The following NAA11 variants were observed in gnomAD, a reference collection of about 807,000 sequenced individuals.
The protein encoded by NAA11 is N-alpha-acetyltransferase 11.
Under a neutral mutation model 16.1 loss-of-function variants are expected in NAA11, and 15 were observed. That is an observed-to-expected ratio of 0.93 (90% CI 0.62 to 1.44). The LOEUF (loss-of-function observed/expected upper bound fraction) is 1.44, where lower values mean the gene tolerates loss of function less well. NAA11 is among the 40% of genes most tolerant of loss of function. The pLI is 0.00. For missense variants in NAA11, 298 were observed against 291.3 expected, an observed-to-expected ratio of 1.02 and a Z score of -0.17; for synonymous variants, 122 against 112.4, an observed-to-expected ratio of 1.09 and a Z score of -0.54.
chr4:79,220,108 T>C, the NAA11 span, among the ~76,000 whole-genome samples: 1 of 152,228 alleles, frequency 6.6e-6, no homozygotes, highest in Non-Finnish European at 1.5e-5. Context: ...TGTGACTTTT[T>C]TTGAGACGGA....
At chr4:79,211,248 G>A in the NAA11 span, among the ~76,000 whole-genome samples, 2 of 152,096 alleles carry the variant, frequency 1.3e-5, no homozygotes, top group Non-Finnish European at 2.9e-5. Context: ...AGCTACATGA[G>A]CATGTTCTAA....
At chr4:79,287,003 C>T (rs1416023133) in intron 2 of NAA11, among the ~76,000 whole-genome samples, 4 of 152,094 alleles carry the variant, frequency 2.6e-5, no homozygotes, top group Non-Finnish European at 4.4e-5. Flanking sequence ...AGCGCACTCT[C>T]CTTCACAAGG....
the NAA11 span, among the ~76,000 whole-genome samples, chr4:79,201,135 T>C: frequency 2.0e-5 from 3 of 151,696 alleles, no homozygotes; most frequent in Admixed American, 2.0e-4. Flanking sequence ...ATATAGTGCA[T>C]GGCTGTTTCT....
the NAA11 span, among the ~76,000 whole-genome samples, chr4:79,179,229 G>C: frequency 1.1e-4 from 17 of 152,124 alleles, no homozygotes; most frequent in East Asian, 3.3e-3. Flanking sequence ...TTTTGCTTTA[G>C]AGTCAATTTT....
the NAA11 span, among the ~76,000 whole-genome samples, chr4:79,214,006 C>T: frequency 6.6e-6 from 1 of 152,120 alleles, no homozygotes; most frequent in Non-Finnish European, 1.5e-5. Flanking sequence ...AGGAATTTTG[C>T]ATTCTGGTTG....
intron 2 of NAA11, among the ~76,000 whole-genome samples, chr4:79,292,073 A>G (rs1214812511): frequency 6.6e-6 from 1 of 152,154 alleles, no homozygotes; most frequent in Non-Finnish European, 1.5e-5. Context: ...AGAGCATCTA[A>G]ATGTGTGTGC....
chr4:79,225,334 G>A (rs1001931439), downstream of NAA11, among the ~76,000 whole-genome samples: 26 of 151,970 alleles, frequency 1.7e-4, no homozygotes, highest in South Asian at 8.3e-4. Flanking sequence ...AAATTTTAGC[G>A]AAATACACTT....
At chr4:79,291,558 C>T (rs984562301) in intron 2 of NAA11, among the ~76,000 whole-genome samples, 1 of 151,762 alleles carries the variant, frequency 6.6e-6, no homozygotes, top group Non-Finnish European at 1.5e-5. Flanking sequence ...AACCCTGTCT[C>T]TACTAAAAAT....
chr4:79,196,875 T>C, the NAA11 span, among the ~76,000 whole-genome samples: 1 of 138,218 alleles, frequency 7.2e-6, no homozygotes, highest in Non-Finnish European at 1.5e-5. Flanking sequence ...TATGGAAAAG[T>C]TTGGCTGCCA....
At chr4:79,297,861 AGGGAGGGCCTGAAGGCTG>A (rs1723268458) in intron 1 of NAA11, among the ~76,000 whole-genome samples, 1 of 152,106 alleles carries the variant, frequency 6.6e-6, no homozygotes. Context: ...CCTTCAGGCT[AGGGAGGGCCTGAAGGCTG>A]GGGGGCAGGC....
downstream of NAA11, among the ~76,000 whole-genome samples, chr4:79,222,243 G>T (rs1482193062): frequency 5.9e-5 from 9 of 152,000 alleles, no homozygotes; most frequent in Admixed American, 5.9e-4. Context: ...ATTTTTTATT[G>T]CATCTATTTG....
intron 2 of NAA11, among the ~76,000 whole-genome samples, chr4:79,234,445 G>A (rs1025545714): frequency 5.3e-5 from 8 of 152,136 alleles, no homozygotes; most frequent in African/African-American, 7.2e-5. Flanking sequence ...TATGGTCTAC[G>A]CTTAATTGGC....
At chr4:79,241,920 G>A (rs1358600946) in intron 2 of NAA11, among the ~76,000 whole-genome samples, 1 of 152,222 alleles carries the variant, frequency 6.6e-6, no homozygotes, top group Non-Finnish European at 1.5e-5. Flanking sequence ...TTCAATAATG[G>A]AGATGGAACC....
At position 79,325,799 on chromosome 4, in the gene NAA11, G is replaced by C. The variant is rs199953451; in HGVS notation, c.79C>G (p.Gln27Glu). 231 of 1,614,138 alleles carry C rather than the reference G, an allele frequency of 1.4e-4. 1 individual carries two copies. Among genetic ancestry groups the C allele is most frequent in the Non-Finnish European group, 2.5e-5 (29 of 1,180,004 alleles). ...CCATGATATAAATAGTATTTCATCT[G>C]GTAGTTCTCAGGAAGGCAAAGGAGG... ...CNLLCLPENYQMKYYLYHGLS... is the reference protein window; with the variant it reads ...CNLLCLPENYEMKYYLYHGLS... Residue 27 changes from glutamine (Q) to glutamate (E), a missense_variant, in exon 1 of 2, where the codon CAG (glutamine) becomes GAG (glutamate). Gln to Glu is a conservative substitution (Grantham distance 29). Coordinates refer to ENST00000286794, the MANE Select transcript of NAA11 (RefSeq NM_032693.3).
At chr4:79,308,430 C>CT (rs1277666694) in intron 1 of NAA11, 1 of 152,286 alleles carries the variant, frequency 6.6e-6, no homozygotes, top group African/African-American at 2.4e-5. Flanking sequence ...ACATCCCCCT[C>CT]TGCCTCCCCC....
At chr4:79,212,709 G>A in the NAA11 span, among the ~76,000 whole-genome samples, 3 of 151,734 alleles carry the variant, frequency 2.0e-5, no homozygotes, top group African/African-American at 7.3e-5. Context: ...CCAATATATT[G>A]TTATCATTGT....
the NAA11 span, among the ~76,000 whole-genome samples, chr4:79,218,613 A>G: frequency 4.6e-5 from 7 of 152,060 alleles, no homozygotes; most frequent in Non-Finnish European, 8.8e-5. Flanking sequence ...AAATTTCACC[A>G]TAGTTCAATT....
intron 2 of NAA11, among the ~76,000 whole-genome samples, chr4:79,259,229 T>C (rs1467490170): frequency 6.6e-6 from 1 of 152,140 alleles, no homozygotes; most frequent in Admixed American, 6.6e-5. Context: ...GCTGTGGCCC[T>C]TTGGTGAGCT....
At chr4:79,202,521 T>TAC in the NAA11 span, among the ~76,000 whole-genome samples, 19,894 of 134,958 alleles carry the variant, frequency 0.15, 1,807 homozygotes, top group African/African-American at 0.24. Context: ...TAAACTTTTA[T>TAC]ACACACACAC....
Sources: gnomAD v4.1 joint callset for allele counts (sites outside exome capture counted in the v4.1 genomes callset) on GRCh38, gnomAD v4.1.1 for gene constraint, MANE v1.5 for transcripts, NCBI Gene and HGNC (gene_info 2026-07-23, HGNC 2026-07-21) for gene names.